The following RDX variants were observed in gnomAD, a reference collection of about 807,000 sequenced individuals.
RDX encodes the protein radixin.
Under a neutral mutation model 83.7 loss-of-function variants are expected in RDX, and 32 were observed. That is an observed-to-expected ratio of 0.38 (90% confidence interval 0.29 to 0.51). RDX has a LOEUF of 0.51. Among genes scored for constraint, RDX ranks in the 20% least tolerant of loss-of-function variants. RDX has a pLI of 0.87. For missense variants in RDX, 600 were observed against 689.9 expected, an observed-to-expected ratio of 0.87 and a Z score of 1.46; for synonymous variants, 229 against 222.7, an observed-to-expected ratio of 1.03 and a Z score of -0.25.
At chr11:110,237,142 T>C (rs1296822834) in intron 11 of RDX, among the ~76,000 whole-genome samples, 1 of 149,416 alleles carries the variant, frequency 6.7e-6, no homozygotes, top group Non-Finnish European at 1.5e-5. Flanking sequence ...AACTATAACA[T>C]ATATCTATAT....
In RDX at chr11:110,209,296, C is replaced by T. The variant is rs1394315340; in HGVS notation, c.1749-9618G>A. 3.9e-5 allele frequency among the ~76,000 whole-genome samples: 6 copies of T among 151,982 alleles called. 1 individual carries two copies. Among genetic ancestry groups the T allele is most frequent in the Middle Eastern group, 6.8e-3 (2 of 294 alleles). Reference sequence around the variant, plus strand: ...CTTTTCCGACGGGCTTAAAAAACGGCGCACCACGAGATTATATCCGGCACC... The same window carrying T: ...CTTTTCCGACGGGCTTAAAAAACGGTGCACCACGAGATTATATCCGGCACC... On this transcript the variant is annotated intron_variant, in intron 14 of 15. Coordinates refer to the RDX transcript ENST00000528498.
intron 5 of RDX, among the ~76,000 whole-genome samples, chr11:110,260,453 G>C (rs886844017): frequency 6.6e-6 from 1 of 151,646 alleles, no homozygotes; most frequent in Non-Finnish European, 1.5e-5. Context: ...TATTATTCTT[G>C]TTTTCTGAGA....
At chr11:110,199,471 T>C in intron 15 of RDX, 1 of 659,582 alleles carries the variant, frequency 1.5e-6, no homozygotes, top group Non-Finnish European at 2.8e-6. Context: ...GTCCTGTGGA[T>C]GAACAGGTTC....
intron 15 of RDX, among the ~76,000 whole-genome samples, chr11:110,176,972 G>A (rs770687446): frequency 1.1e-4 from 16 of 152,166 alleles, no homozygotes; most frequent in Non-Finnish European, 1.8e-4. Flanking sequence ...AGGGCCAAGC[G>A]CACACCACCT....
rs149144336 is a variant in RDX at position 110,284,331 on chromosome 11, T to G, written c.-64-4575A>C. Among the ~76,000 whole-genome samples, 623 of 152,314 alleles carry G rather than the reference T, an allele frequency of 4.1e-3. 1 individual carries two copies. The highest frequency in any genetic ancestry group is 6.0e-3 in the Non-Finnish European group (406 of 68,028). ...ATATTCACAGCAGCATTCTTTACAA[T>G]AGCCAATGATTACAATCACCAAAGT... On this transcript the variant is annotated intron_variant, in intron 1 of 13. Transcript: ENST00000645495.
At chr11:110,175,448 T>G (rs1862749019) in intron 15 of RDX, among the ~76,000 whole-genome samples, 1 of 152,192 alleles carries the variant, frequency 6.6e-6, no homozygotes, top group Non-Finnish European at 1.5e-5. Context: ...ATAGGAAAGT[T>G]TAATTAGGTA....
chr11:110,183,230 G>A lies in RDX; in HGVS notation c.*32-7996C>T, dbSNP rs187404399. 3.7e-4 allele frequency among the ~76,000 whole-genome samples: 56 copies of A among 152,322 alleles called. No homozygotes were observed. In the East Asian group the frequency reaches 9.8e-3, roughly 27 times the overall value. ...CCTGCCAGCTCCTCTCAGAGGTGGC[G>A]ATGCAGCCCAGTGCCCAGTCTACGT... is the stretch of plus-strand genomic sequence containing the variant. On this transcript the variant is annotated intron_variant, in intron 15 of 15. Coordinates refer to the RDX transcript ENST00000528498.
intron 10 of RDX, among the ~76,000 whole-genome samples, chr11:110,246,733 A>G (rs190107391): frequency 7.9e-4 from 115 of 145,392 alleles, no homozygotes; most frequent in East Asian, 2.4e-3. Flanking sequence ...ACAGATGACA[A>G]AGTAAGACTG....
At chr11:110,291,539 C>T (rs1348134431) in intron 1 of RDX, among the ~76,000 whole-genome samples, 4 of 152,042 alleles carry the variant, frequency 2.6e-5, no homozygotes, top group Non-Finnish European at 4.4e-5. Context: ...TCCTCTTATT[C>T]CTTTGGATAC....
At chr11:110,206,301 C>T (rs1241750093) in intron 14 of RDX, among the ~76,000 whole-genome samples, 1 of 149,714 alleles carries the variant, frequency 6.7e-6, no homozygotes, top group Non-Finnish European at 1.5e-5. Context: ...AAATGTCCAC[C>T]ATTGGGGGAA....
Position 110,231,484 on chromosome 11 carries a change from T to C in RDX, c.*385A>G. ...AGAGAATGTGGAAATAGGTTAAATA[T>C]GGAAAGGGCAAGGGAAACCCATTAA... On this transcript the variant is annotated 3_prime_UTR_variant, in exon 14 of 14. Transcript: ENST00000645495. 4.0e-6 allele frequency: 1 copy of C among 251,250 alleles called. No individual in the cohort carries two copies. The highest frequency in any genetic ancestry group is 5.4e-5 in the South Asian group (1 of 18,682). 15.6% of individuals were successfully genotyped at this position (251,250 alleles called of 1,614,324 possible).
chr11:110,187,436 C>T (rs1283635658), intron 15 of RDX, among the ~76,000 whole-genome samples: 1 of 152,190 alleles, frequency 6.6e-6, no homozygotes, highest in East Asian at 1.9e-4. Flanking sequence ...CCTTCCTACC[C>T]AGATAGCCTG....
chr11:110,289,050 C>G (rs937628154), intron 1 of RDX, among the ~76,000 whole-genome samples: 10 of 151,924 alleles, frequency 6.6e-5, no homozygotes, highest in Admixed American at 2.6e-4. Flanking sequence ...CCAGCCTGAC[C>G]AACATGGAGA....
At chr11:110,293,316 G>A (rs531712903) in intron 1 of RDX, among the ~76,000 whole-genome samples, 1 of 152,280 alleles carries the variant, frequency 6.6e-6, no homozygotes, top group East Asian at 1.9e-4. Context: ...GAGTAAGGAG[G>A]ACTTTGACCT....
chr11:110,191,981 A>G (rs1863111201), intron 15 of RDX, among the ~76,000 whole-genome samples: 1 of 152,244 alleles, frequency 6.6e-6, no homozygotes, highest in South Asian at 2.1e-4. Context: ...TTACAGATTC[A>G]ATACTATCCC....
At chr11:110,253,729 A>C (rs1447945592) in intron 9 of RDX, among the ~76,000 whole-genome samples, 1 of 152,220 alleles carries the variant, frequency 6.6e-6, no homozygotes, top group Non-Finnish European at 1.5e-5. Flanking sequence ...AATGAGTCAC[A>C]AAAAGCTATT....
chr11:110,199,593 G>A, exon 15 of RDX: 2 of 703,036 alleles, frequency 2.8e-6, no homozygotes, highest in Non-Finnish European at 2.6e-6. Context: ...AGTGAGGGAG[G>A]GAGCCTTCTT....
rs1006766772 is a variant in RDX at position 110,279,764 on chromosome 11, A to C, written c.-64-8T>G. ...GAATTCTGTTATCACTTTCTGTTAA[A>C]AAAAAAAAAGCATAATCTATTATCT... On this transcript the variant is annotated splice_region_variant and splice_polypyrimidine_tract_variant and intron_variant, in intron 1 of 13. Transcript: ENST00000645495. 109 of 874,568 alleles carry C rather than the reference A, an allele frequency of 1.2e-4. 1 individual carries two copies. In the East Asian group the frequency reaches 2.6e-3, roughly 21 times the overall value. 54.2% of individuals were successfully genotyped at this position (874,568 alleles called of 1,614,324 possible). A position where few individuals can be genotyped will look rare whatever the true frequency, so the allele number is the denominator to read the frequency against.
At chr11:110,248,189 C>G (rs1164576629) in intron 9 of RDX, among the ~76,000 whole-genome samples, 1 of 152,074 alleles carries the variant, frequency 6.6e-6, no homozygotes, top group African/African-American at 2.4e-5. Context: ...TGATAGAACC[C>G]ATTCATGTAA....
Sources: gnomAD v4.1 joint callset for allele counts (sites outside exome capture counted in the v4.1 genomes callset) on GRCh38, gnomAD v4.1.1 for gene constraint, MANE v1.5 for transcripts, NCBI Gene and HGNC (gene_info 2026-07-23, HGNC 2026-07-21) for gene names.